HPS5: variants seen among roughly 807,000 people sequenced by gnomAD.
HPS5 encodes the protein HPS5 biogenesis of lysosomal organelles complex 2 subunit 2.
Under a neutral mutation model 128.0 loss-of-function variants are expected in HPS5, and 83 were observed. The ratio of observed to expected loss-of-function variants is 0.65; its 90% CI spans 0.54 to 0.78. HPS5 has a LOEUF of 0.78. Ranked by LOEUF, HPS5 falls within the 30% of genes least tolerant of loss-of-function variation. The pLI is 0.00. For synonymous variants in HPS5, 475 were observed against 470.2 expected, an observed-to-expected ratio of 1.01 and a Z score of -0.13; for missense variants, 1,281 against 1,326.2, an observed-to-expected ratio of 0.97 and a Z score of 0.53.
In HPS5 at chr11:18,300,897, A is replaced by C. The variant is rs767216538; in HGVS notation, c.916T>G (p.Trp306Gly). ...AAAATATAAATTCCTCTTTCTGTCC[A>C]AGTCAGCACACAATGCTCACTGCAA... ...LHLSEHCVLT[W>G]TERGIYIFIP... The change falls in exon 9 of 23, where the codon TGG becomes GGG. Residue 306 changes from tryptophan to glycine, a missense_variant. By Grantham distance (184) the Trp-to-Gly change is radical (BLOSUM62 -2). Transcript: ENST00000349215. 1 of 1,600,094 alleles carries C rather than the reference A, an allele frequency of 6.2e-7. No homozygotes were observed. Among genetic ancestry groups the C allele is most frequent in the Admixed American group, 1.7e-5 (1 of 59,992 alleles).
chr11:18,285,480 A>G (rs1859586236), intron 19 of HPS5, 21 bp from the exon 20 acceptor site: 1 of 1,467,082 alleles, frequency 6.8e-7, no homozygotes, highest in Non-Finnish European at 9.6e-7. Flanking sequence ...AAAAGGAATC[A>G]GTAAATTAGA....
At chr11:18,312,051 G>C (rs1367309115) in intron 2 of HPS5, 27 bp from the exon 3 acceptor site, 1 of 1,509,468 alleles carries the variant, frequency 6.6e-7, no homozygotes, top group East Asian at 2.3e-5. Flanking sequence ...AGAAGTGTGA[G>C]ATAATCACAG....
At chr11:18,295,748 G>A (rs1313012854) in intron 13 of HPS5, among the ~76,000 whole-genome samples, 1 of 152,182 alleles carries the variant, frequency 6.6e-6, no homozygotes, top group Admixed American at 6.6e-5. Flanking sequence ...ATTACCATCA[G>A]AGATTTTTAA....
intron 8 of HPS5, among the ~76,000 whole-genome samples, chr11:18,304,219 T>A (rs998757408): frequency 6.7e-6 from 1 of 149,990 alleles, no homozygotes; most frequent in Non-Finnish European, 1.5e-5. Flanking sequence ...TAATTCACTT[T>A]TTTTTTTTTT....
At chr11:18,290,018 C>T (rs1327968920) in intron 16 of HPS5, among the ~76,000 whole-genome samples, 1 of 152,230 alleles carries the variant, frequency 6.6e-6, no homozygotes, top group African/African-American at 2.4e-5. Context: ...TCCCAGTTTC[C>T]TTTGCAGTTA....
In HPS5 at chr11:18,296,777, A is replaced by G. The variant is rs761553418; in HGVS notation, c.1510+21T>C. ...AAATAATGGCTTCACATCAGGAACC[A>G]ACAACAGACACATTCATCACCTTCA... is the stretch of plus-strand genomic sequence containing the variant. On this transcript the variant is annotated intron_variant, in intron 12 of 22. Transcript: ENST00000349215. 9 of 1,611,920 alleles carry G rather than the reference A, an allele frequency of 5.6e-6. No homozygotes were observed. In the East Asian group the frequency reaches 2.0e-4, roughly 36 times the overall value.
In HPS5 at chr11:18,317,735, G is replaced by A; in HGVS notation, c.108+16C>T. ...GCACGTGAAAATGAAACTGATACAA[G>A]GATCAAGAAATTCACCTTTAGACGA... On this transcript the variant is annotated intron_variant, in intron 2 of 22. Coordinates refer to ENST00000349215, the MANE Select transcript of HPS5 (RefSeq NM_181507.2). The A allele has an allele frequency of 6.2e-7, 1 of 1,611,518 alleles. No individual in the cohort carries two copies. Among genetic ancestry groups the A allele is most frequent in the Non-Finnish European group, 8.5e-7 (1 of 1,178,558 alleles).
At chr11:18,298,467 C>G (rs1861341654) in intron 10 of HPS5, among the ~76,000 whole-genome samples, 1 of 152,142 alleles carries the variant, frequency 6.6e-6, no homozygotes, top group Non-Finnish European at 1.5e-5. Flanking sequence ...TGCACTCCAG[C>G]CTGGGTGACA....
chr11:18,289,758 G>A (rs1860167868), intron 16 of HPS5, among the ~76,000 whole-genome samples: 1 of 152,164 alleles, frequency 6.6e-6, no homozygotes, highest in Admixed American at 6.5e-5. Context: ...TAGAAATATG[G>A]CATCTGTTAT....
rs1861206817 is a variant in HPS5 at position 18,297,413 on chromosome 11, C to A, written c.1323+146G>T. Reference sequence around the variant, plus strand: ...TAAATGGAGGCTTCACAGAGCTGAGCCACTAGCTGAACAAAAGTTCACCCC... The same window carrying A: ...TAAATGGAGGCTTCACAGAGCTGAGACACTAGCTGAACAAAAGTTCACCCC... On this transcript the variant is annotated intron_variant, in intron 11 of 22. Coordinates refer to ENST00000349215, the MANE Select transcript of HPS5 (RefSeq NM_181507.2). 7.2e-6 allele frequency: 5 copies of A among 693,750 alleles called. No homozygotes were observed. In the East Asian group the frequency reaches 1.3e-4, roughly 19 times the overall value. 43.0% of individuals were successfully genotyped at this position (693,750 alleles called of 1,614,324 possible).
chr11:18,282,016 G>A lies in HPS5; in HGVS notation c.3263C>T (p.Ala1088Val), dbSNP rs765621578. 1 of 1,614,046 alleles carries A rather than the reference G, an allele frequency of 6.2e-7. No individual in the cohort carries two copies. The highest frequency in any genetic ancestry group is 8.5e-7 in the Non-Finnish European group (1 of 1,180,040). The change falls in exon 22 of 23, where the codon GCC becomes GTC. Residue 1088 changes from alanine (A) to valine (V), a missense_variant. Transcript: ENST00000349215. ...GGTAAACTTCTCTGACAACTCAAGG[G>A]CCAGACCACATTCCTGTAGCAGTGA... is the stretch of plus-strand genomic sequence containing the variant. ...AWSLLQECGLALELSEKFTRT... is the reference protein window; with the variant it reads ...AWSLLQECGLVLELSEKFTRT...
chr11:18,278,805 T>C lies in HPS5; in HGVS notation c.*1077A>G, dbSNP rs1195720221. Reference sequence around the variant, plus strand: ...CATTTATTATTAATATAACATGCTATGTAAATGTACAGGAGCCTGACAAAT... The same window carrying C: ...CATTTATTATTAATATAACATGCTACGTAAATGTACAGGAGCCTGACAAAT... On this transcript the variant is annotated 3_prime_UTR_variant, in exon 23 of 23. Transcript: ENST00000349215. The C allele has an allele frequency of 3.9e-5, 6 of 152,582 alleles. No individual in the cohort carries two copies. The highest frequency in any genetic ancestry group is 7.2e-5 in the African/African-American group (3 of 41,468). 9.5% of individuals were successfully genotyped at this position (152,582 alleles called of 1,614,324 possible). A position where few individuals can be genotyped will look rare whatever the true frequency, so the allele number is the denominator to read the frequency against.
At chr11:18,284,789 T>A (rs1194966325) in intron 20 of HPS5, among the ~76,000 whole-genome samples, 1 of 152,164 alleles carries the variant, frequency 6.6e-6, no homozygotes, top group Non-Finnish European at 1.5e-5. Flanking sequence ...TAAGCCAGTA[T>A]CACCAGGCAA....
At chr11:18,303,088 A>G (rs1205853433) in intron 8 of HPS5, among the ~76,000 whole-genome samples, 1 of 150,524 alleles carries the variant, frequency 6.6e-6, no homozygotes, top group Non-Finnish European at 1.5e-5. Flanking sequence ...GAAAGGAAAC[A>G]AAGTACATAA....
Position 18,292,981 on chromosome 11 carries a change from A to G in HPS5, c.1785-5T>C. The G allele has an allele frequency of 4.3e-6, 7 of 1,611,104 alleles. No individual in the cohort carries two copies. The highest frequency in any genetic ancestry group is 5.9e-6 in the Non-Finnish European group (7 of 1,177,478). On this transcript the variant is annotated splice_region_variant and splice_polypyrimidine_tract_variant and intron_variant, in intron 14 of 22. Transcript: ENST00000349215. Reference sequence around the variant, plus strand: ...CTAGTTACCTCTTTTTCCTCCCTAAAAAAGTGTGCAAAATAACAATAACAT... The same window carrying G: ...CTAGTTACCTCTTTTTCCTCCCTAAGAAAGTGTGCAAAATAACAATAACAT...
intron 10 of HPS5, 64 bp downstream of exon 10, chr11:18,298,728 A>G (rs924157457): frequency 2.0e-5 from 31 of 1,528,822 alleles, no homozygotes; most frequent in Non-Finnish European, 2.7e-5. Context: ...TTGTAACACA[A>G]TCTTGCAAGG....
chr11:18,307,792 G>A (rs533081839), intron 6 of HPS5, among the ~76,000 whole-genome samples: 4 of 151,358 alleles, frequency 2.6e-5, no homozygotes, highest in Admixed American at 2.6e-4. Flanking sequence ...AAAACAGGTT[G>A]AAACAAAAAG....
At chr11:18,318,671 C>A (rs77735826) in intron 1 of HPS5, among the ~76,000 whole-genome samples, 23 of 152,272 alleles carry the variant, frequency 1.5e-4, no homozygotes, top group African/African-American at 5.1e-4. Context: ...AAAGAAAATT[C>A]TACTCATTAA....
chr11:18,309,952 A>T (rs187701011), intron 5 of HPS5, among the ~76,000 whole-genome samples: 70 of 152,328 alleles, frequency 4.6e-4, no homozygotes, highest in African/African-American at 1.6e-3. Context: ...GCAGTGAGCC[A>T]TGATCTCACC....
Sources: gnomAD v4.1 joint callset for allele counts (sites outside exome capture counted in the v4.1 genomes callset) on GRCh38, gnomAD v4.1.1 for gene constraint, MANE v1.5 for transcripts, NCBI Gene and HGNC (gene_info 2026-07-23, HGNC 2026-07-21) for gene names.